Variants in TMEM178B observed in about 807,000 individuals in gnomAD.
TMEM178B encodes transmembrane protein 178B.
Under a neutral mutation model 31.0 loss-of-function variants are expected in TMEM178B, and 5 were observed. That is an observed-to-expected ratio of 0.16 (90% CI 0.08 to 0.34). The LOEUF (loss-of-function observed/expected upper bound fraction) is 0.34. TMEM178B is among the 10% of genes least tolerant of loss of function. The pLI, the probability that TMEM178B is intolerant of heterozygous loss-of-function variation, is 1.00. For missense variants in TMEM178B, 275 were observed against 400.3 expected, an observed-to-expected ratio of 0.69 and a Z score of 2.67; for synonymous variants, 164 against 164.0, an observed-to-expected ratio of 1.00 and a Z score of 0.00.
chr7:141,105,728 G>A (rs992264746), intron 1 of TMEM178B, among the ~76,000 whole-genome samples: 10 of 152,136 alleles, frequency 6.6e-5, no homozygotes, highest in Non-Finnish European at 1.3e-4. Flanking sequence ...ATTAGAAGAC[G>A]ATGAAAGCAA....
rs1363938958 is a variant in TMEM178B at position 141,461,648 on chromosome 7, A to T, written c.635-8888A>T. ...TCTCCACAGCGTCCATTGCTGTGTCATGACTGCCGTGGCTTCTCTGAGAAT... is the reference window on the plus strand; with the variant it reads ...TCTCCACAGCGTCCATTGCTGTGTCTTGACTGCCGTGGCTTCTCTGAGAAT... On this transcript the variant is annotated intron_variant, in intron 3 of 3. Coordinates refer to ENST00000565468, the MANE Select transcript of TMEM178B (RefSeq NM_001195278.2). This position sits in a 1 kb window ranked among gnomAD's most constrained non-coding sequence, Gnocchi z 4.0. Among the ~76,000 whole-genome samples, 1 of 152,184 alleles carries T rather than the reference A, an allele frequency of 6.6e-6. No individual in the cohort carries two copies. Among genetic ancestry groups the T allele is most frequent in the Non-Finnish European group, 1.5e-5 (1 of 68,030 alleles).
At chr7:141,496,538 C>T in the TMEM178B span, among the ~76,000 whole-genome samples, 8 of 141,150 alleles carry the variant, frequency 5.7e-5, no homozygotes, top group Non-Finnish European at 1.0e-4. Context: ...GGTGTAGTGG[C>T]GGGCGCCTGT....
chr7:141,470,477 G>T (rs115983710), intron 3 of TMEM178B, 59 bp from the exon 4 acceptor site: 26 of 1,381,038 alleles, frequency 1.9e-5, no homozygotes, highest in Non-Finnish European at 2.1e-5. Context: ...TCTCTCTCCC[G>T]CTCCTCTCCC....
chr7:141,195,887 A>G (rs1216138392), intron 1 of TMEM178B, among the ~76,000 whole-genome samples: 1 of 152,218 alleles, frequency 6.6e-6, no homozygotes, highest in African/African-American at 2.4e-5. Flanking sequence ...CAAAAGCAGA[A>G]GCCCCCAGTA....
intron 2 of TMEM178B, among the ~76,000 whole-genome samples, chr7:141,263,755 T>C (rs930470249): frequency 6.6e-6 from 1 of 152,214 alleles, no homozygotes; most frequent in African/African-American, 2.4e-5. Context: ...TCTGCAATGT[T>C]AGAGGAACAG....
At chr7:141,329,566 A>G (rs774436867) in intron 2 of TMEM178B, among the ~76,000 whole-genome samples, 1 of 152,162 alleles carries the variant, frequency 6.6e-6, no homozygotes, top group African/African-American at 2.4e-5. Flanking sequence ...AGGTAAAGTC[A>G]TTTGTTCTTG....
At chr7:141,128,303 T>C (rs977668940) in intron 1 of TMEM178B, among the ~76,000 whole-genome samples, 2 of 152,198 alleles carry the variant, frequency 1.3e-5, no homozygotes, top group Non-Finnish European at 2.9e-5. Context: ...GGAGGAATTG[T>C]TGGCCTTCCC....
chr7:141,463,578 G>A (rs976087481), intron 3 of TMEM178B, among the ~76,000 whole-genome samples: 1 of 152,218 alleles, frequency 6.6e-6, no homozygotes, highest in African/African-American at 2.4e-5. Context: ...CAGCTCCTGA[G>A]CTGCCGCCAT....
intron 1 of TMEM178B, among the ~76,000 whole-genome samples, chr7:141,096,084 C>T (rs376964748): frequency 6.6e-6 from 1 of 152,164 alleles, no homozygotes; most frequent in Non-Finnish European, 1.5e-5. Context: ...CATGATCAGC[C>T]TCTTGCTCTG....
intron 1 of TMEM178B, among the ~76,000 whole-genome samples, chr7:141,127,564 T>C (rs535812984): frequency 4.6e-5 from 7 of 152,116 alleles, no homozygotes; most frequent in Non-Finnish European, 1.0e-4. Flanking sequence ...TACTGGAGGA[T>C]TACCAGAAAC....
At chr7:141,178,794 C>T (rs1586811667) in intron 1 of TMEM178B, among the ~76,000 whole-genome samples, 1 of 152,102 alleles carries the variant, frequency 6.6e-6, no homozygotes. Flanking sequence ...GTCAGTTTGC[C>T]GGCTTTTAGC....
chr7:141,451,489 C>T (rs1801862023), intron 3 of TMEM178B, among the ~76,000 whole-genome samples: 1 of 152,198 alleles, frequency 6.6e-6, no homozygotes, highest in African/African-American at 2.4e-5. Flanking sequence ...AGACTCAAAT[C>T]TATTTGATTC....
intron 2 of TMEM178B, among the ~76,000 whole-genome samples, chr7:141,294,742 A>G (rs920665710): frequency 2.6e-5 from 4 of 152,174 alleles, no homozygotes; most frequent in African/African-American, 9.7e-5. Flanking sequence ...GAGAGAATAT[A>G]GAGAAGAGAA....
At chr7:141,275,833 C>T (rs1012608382) in intron 2 of TMEM178B, among the ~76,000 whole-genome samples, 2 of 152,116 alleles carry the variant, frequency 1.3e-5, no homozygotes, top group Non-Finnish European at 2.9e-5. Context: ...TTCTCAAGGC[C>T]ATTGGCTGGA....
intron 1 of TMEM178B, among the ~76,000 whole-genome samples, chr7:141,164,765 T>A (rs893969391): frequency 6.6e-6 from 1 of 152,114 alleles, no homozygotes; most frequent in Non-Finnish European, 1.5e-5. Flanking sequence ...AACTAGGAGT[T>A]CAGGGCTGAT....
chr7:141,351,805 AT>A (rs957648515), intron 2 of TMEM178B, among the ~76,000 whole-genome samples: 15 of 152,168 alleles, frequency 9.9e-5, no homozygotes, highest in African/African-American at 3.6e-4. Context: ...TGAACCAGGT[AT>A]TTTTTAGAGA....
chr7:141,343,643 C>T (rs1586903627), intron 2 of TMEM178B, among the ~76,000 whole-genome samples: 2 of 151,468 alleles, frequency 1.3e-5, no homozygotes, highest in Admixed American at 6.6e-5. Context: ...TCCACCCCAC[C>T]GGGTTACACC....
intron 2 of TMEM178B, among the ~76,000 whole-genome samples, chr7:141,239,305 G>A (rs1586843470): frequency 6.6e-6 from 1 of 152,138 alleles, no homozygotes; most frequent in East Asian, 1.9e-4. Flanking sequence ...ATGGGAGAGA[G>A]GGAGGGAGGG....
intron 2 of TMEM178B, among the ~76,000 whole-genome samples, chr7:141,240,193 A>C (rs1797596849): frequency 6.6e-6 from 1 of 152,204 alleles, no homozygotes; most frequent in African/African-American, 2.4e-5. Context: ...ATAGTTCTAG[A>C]GTACAACCTC....
Sources: gnomAD v4.1 joint callset for allele counts (sites outside exome capture counted in the v4.1 genomes callset) on GRCh38, gnomAD v4.1.1 for gene constraint, Gnocchi (gnomAD v3.1) non-coding constraint, MANE v1.5 for transcripts, NCBI Gene and HGNC (gene_info 2026-07-23, HGNC 2026-07-21) for gene names.